Variants in SULF2 observed in about 807,000 individuals in gnomAD.
SULF2 encodes the protein sulfatase 2.
Under a neutral mutation model 107.7 loss-of-function variants are expected in SULF2, and 52 were observed. The ratio of observed to expected loss-of-function variants is 0.48; its 90% CI spans 0.39 to 0.61. The LOEUF (loss-of-function observed/expected upper bound fraction) is 0.61. Ranked by LOEUF, SULF2 falls within the 20% of genes least tolerant of loss-of-function variation. SULF2 has a pLI of 0.00. For synonymous variants in SULF2, 460 were observed against 464.3 expected, an observed-to-expected ratio of 0.99 and a Z score of 0.12; for missense variants, 993 against 1,177.3, an observed-to-expected ratio of 0.84 and a Z score of 2.29.
intron 1 of SULF2, among the ~76,000 whole-genome samples, chr20:47,761,372 T>G (rs373329232): frequency 5.3e-5 from 8 of 152,368 alleles, no homozygotes; most frequent in East Asian, 3.9e-4. Flanking sequence ...ACCACGGCCC[T>G]GATTTCTGCT....
At chr20:47,754,392 T>C (rs1458208928) in intron 2 of SULF2, among the ~76,000 whole-genome samples, 1 of 152,222 alleles carries the variant, frequency 6.6e-6, no homozygotes, top group African/African-American at 2.4e-5. Flanking sequence ...AGATAATGTA[T>C]TGGGCTTTTT....
chr20:47,667,813 C>G (rs911998410), intron 11 of SULF2, among the ~76,000 whole-genome samples: 1 of 152,068 alleles, frequency 6.6e-6, no homozygotes, highest in African/African-American at 2.4e-5. Context: ...CAGCTGGAGG[C>G]AGGTGGTGGC....
At position 47,678,798 on chromosome 20, in the gene SULF2, G is replaced by T. The variant is rs1209558755; in HGVS notation, c.1071C>A (p.Pro357=). Residue 357 remains proline (P), a synonymous_variant, in exon 8 of 21, where the codon CCC becomes CCA. Transcript: ENST00000688720. This position sits in a 1 kb window ranked among gnomAD's most constrained non-coding sequence, Gnocchi z 4.5. ...CCAGGTCAATGTTGAGGACGATGTG[G>T]GGATTCCTGGGGGAGGCAGGAGATC... ...GPNVEAGCLN[P]HIVLNIDLAP... The T allele has an allele frequency of 6.2e-7, 1 of 1,613,220 alleles. No individual in the cohort carries two copies. Among genetic ancestry groups the T allele is most frequent in the Non-Finnish European group, 8.5e-7 (1 of 1,179,492 alleles).
rs1288979850 is a variant in SULF2 at position 47,734,100 on chromosome 20, G to A, written c.415+2603C>T. Among the ~76,000 whole-genome samples, 4 of 152,100 alleles carry A rather than the reference G, an allele frequency of 2.6e-5. No homozygotes were observed. In the East Asian group the frequency reaches 7.7e-4, roughly 29 times the overall value. On this transcript the variant is annotated intron_variant, in intron 3 of 20. Coordinates refer to ENST00000688720, the MANE Select transcript of SULF2 (RefSeq NM_001387048.1). ...CCTAGAATAAGACTACATTTCCCAG[G>A]CCCCTTTGCTGCCATGCATGGCCAT...
At chr20:47,769,867 AG>A (rs2090596480) in intron 1 of SULF2, among the ~76,000 whole-genome samples, 2 of 151,794 alleles carry the variant, frequency 1.3e-5, no homozygotes, top group African/African-American at 4.8e-5. Flanking sequence ...TCCCTGCAGG[AG>A]GGGAGGGAAC....
intron 4 of SULF2, among the ~76,000 whole-genome samples, chr20:47,691,426 G>T (rs1297327027): frequency 6.6e-6 from 1 of 152,192 alleles, no homozygotes; most frequent in Admixed American, 6.5e-5. Flanking sequence ...ACTGGATTTT[G>T]CCAGAATCCC....
intron 11 of SULF2, among the ~76,000 whole-genome samples, chr20:47,671,587 T>C (rs1453224847): frequency 6.6e-6 from 1 of 152,090 alleles, no homozygotes; most frequent in Non-Finnish European, 1.5e-5. Flanking sequence ...GGTAGTTCTA[T>C]AAACTCACCA....
At chr20:47,765,251 A>G (rs2090503757) in intron 1 of SULF2, among the ~76,000 whole-genome samples, 1 of 151,884 alleles carries the variant, frequency 6.6e-6, no homozygotes. Context: ...GCTACTTGGG[A>G]GGCTGAGGCA....
chr20:47,723,433 C>T (rs2089350730), intron 3 of SULF2, among the ~76,000 whole-genome samples: 1 of 152,118 alleles, frequency 6.6e-6, no homozygotes, highest in Admixed American at 6.6e-5. Flanking sequence ...GTGAACAACG[C>T]TCTAGACCAG....
At chr20:47,741,046 C>A (rs181359420) in intron 2 of SULF2, among the ~76,000 whole-genome samples, 2 of 152,304 alleles carry the variant, frequency 1.3e-5, no homozygotes, top group East Asian at 3.9e-4. Context: ...CCCTTGCCAC[C>A]TCCCCCGTGG....
chr20:47,693,468 T>G (rs912198824), intron 4 of SULF2, among the ~76,000 whole-genome samples: 1 of 152,198 alleles, frequency 6.6e-6, no homozygotes, highest in African/African-American at 2.4e-5. Context: ...TTTTTAAAAA[T>G]AAAGCTACCA....
chr20:47,661,815 C>T lies in SULF2; in HGVS notation c.2452G>A (p.Gly818Ser). The change falls in exon 18 of 21, where the codon GGT becomes AGT. Residue 818 changes from glycine (G) to serine (S), a missense_variant. Around this residue, in one of 3 missense-constraint regions of SULF2, gnomAD observed 497 missense variants for 544.1 expected, o/e 0.91. Coordinates refer to ENST00000688720, the MANE Select transcript of SULF2 (RefSeq NM_001387048.1). Reference protein sequence around the residue: ...VQLMELRSCKGYKQCNPRTRN... With the variant: ...VQLMELRSCKSYKQCNPRTRN... ...GTCCGGGGGTTACACTGCTTGTAAC[C>T]CTTGCAGCTCCTCAGCTCCATGAGC... 1.3e-6 allele frequency: 2 copies of T among 1,589,500 alleles called. No individual in the cohort carries two copies. Among genetic ancestry groups the T allele is most frequent in the African/African-American group, 1.3e-5 (1 of 74,734 alleles).
intron 2 of SULF2, among the ~76,000 whole-genome samples, chr20:47,745,398 AAAAAAAAAAAAAATAT>A (rs1474941004): frequency 3.1e-4 from 9 of 29,362 alleles, no homozygotes; most frequent in African/African-American, 1.2e-3. Context: ...AAAAAAAAAA[AAAAAAAAAAAAAATAT>A]ATATATATAT....
chr20:47,672,535 A>C, intron 10 of SULF2, 142 bp from the exon 11 acceptor site: 9 of 1,411,592 alleles, frequency 6.4e-6, no homozygotes, highest in South Asian at 3.1e-5. Context: ...TGCTATCTCC[A>C]ATGCCGCTTC....
intron 1 of SULF2, among the ~76,000 whole-genome samples, chr20:47,778,172 T>G (rs1568934159): frequency 6.6e-6 from 1 of 152,190 alleles, no homozygotes; most frequent in Non-Finnish European, 1.5e-5. Context: ...CTCTGGCTAC[T>G]GGGGTGGGTC....
In SULF2 at chr20:47,725,063, C is replaced by T. The variant is rs77392018; in HGVS notation, c.415+11640G>A. 2.3e-3 allele frequency among the ~76,000 whole-genome samples: 353 copies of T among 152,288 alleles called. 1 individual carries two copies. The highest frequency in any genetic ancestry group is 8.1e-3 in the African/African-American group (338 of 41,552). Reference sequence around the variant, plus strand: ...CAGCACATCCATCAAGAAGGCACAACACAGTAGTCAGGCAGACGCCTGCAC... The same window carrying T: ...CAGCACATCCATCAAGAAGGCACAATACAGTAGTCAGGCAGACGCCTGCAC... On this transcript the variant is annotated intron_variant, in intron 3 of 20. Transcript: ENST00000688720.
chr20:47,702,792 G>C lies in SULF2; in HGVS notation c.416-122C>G, dbSNP rs1602684494. ...CTGCCATGGAGCCCTCTGGCACACAGAGCAATGGATCCCTTCTCCAATGTT... is the reference window on the plus strand; with the variant it reads ...CTGCCATGGAGCCCTCTGGCACACACAGCAATGGATCCCTTCTCCAATGTT... On this transcript the variant is annotated intron_variant, in intron 3 of 20. Coordinates refer to ENST00000688720, the MANE Select transcript of SULF2 (RefSeq NM_001387048.1). 2.1e-5 allele frequency: 16 copies of C among 769,678 alleles called. No homozygotes were observed. In the South Asian group the frequency reaches 2.4e-4, roughly 11 times the overall value. 47.7% of individuals were successfully genotyped at this position (769,678 alleles called of 1,614,324 possible). A position where few individuals can be genotyped will look rare whatever the true frequency, so the allele number is the denominator to read the frequency against.
At chr20:47,780,676 C>A (rs1169866644) in intron 1 of SULF2, among the ~76,000 whole-genome samples, 1 of 152,150 alleles carries the variant, frequency 6.6e-6, no homozygotes, top group African/African-American at 2.4e-5. Context: ...GCCTCAGCCT[C>A]CTGTGTAGCT....
chr20:47,759,448 T>G (rs1233552390), intron 1 of SULF2, among the ~76,000 whole-genome samples: 7 of 152,276 alleles, frequency 4.6e-5, no homozygotes, highest in African/African-American at 1.7e-4. Context: ...TTCCAGCACT[T>G]TGGCAGGCTG....
Sources: allele counts gnomAD v4.1 joint callset (sites outside exome capture counted in the v4.1 genomes callset), GRCh38; gene constraint gnomAD v4.1.1; regional missense constraint gnomAD v4.1.1; non-coding constraint Gnocchi (gnomAD v3.1); transcripts MANE v1.5; gene names NCBI Gene and HGNC (gene_info 2026-07-23, HGNC 2026-07-21).